Variants in CACNB2 observed in about 807,000 individuals in gnomAD.
CACNB2 encodes the protein voltage-dependent L-type calcium channel subunit beta-2.
A neutral mutation model predicts 73.3 loss-of-function variants in CACNB2; 42 were observed. The observed-to-expected ratio is 0.57, with a 90% confidence interval of 0.45 to 0.74. The LOEUF (loss-of-function observed/expected upper bound fraction) is 0.74. Among genes scored for constraint, CACNB2 ranks in the 30% least tolerant of loss-of-function variants. CACNB2 has a pLI of 0.00. For synonymous variants in CACNB2, 348 were observed against 310.3 expected (o/e 1.12, Z -1.28); for missense variants, 940 against 853.0 (o/e 1.10, Z -1.27).
At chr10:18,474,169 A>G (rs952594157) in intron 3 of CACNB2, among the ~76,000 whole-genome samples, 1 of 152,224 alleles carries the variant, frequency 6.6e-6, no homozygotes, top group East Asian at 1.9e-4. Context: ...GCGAAGGGGA[A>G]CATTGCAAAT....
chr10:18,260,945 C>T, intron 2 of CACNB2: 1 of 1,270,672 alleles, frequency 7.9e-7, no homozygotes, highest in Non-Finnish European at 1.0e-6. Flanking sequence ...CTGGACAGTC[C>T]TAACTCTGTG....
At chr10:18,528,102 C>T (rs2052656857) in intron 10 of CACNB2, among the ~76,000 whole-genome samples, 1 of 152,104 alleles carries the variant, frequency 6.6e-6, no homozygotes, top group South Asian at 2.1e-4. Flanking sequence ...ATGATATGTG[C>T]TCAATAAATG....
chr10:18,230,452 T>C (rs961943635), intron 2 of CACNB2, among the ~76,000 whole-genome samples: 1 of 152,170 alleles, frequency 6.6e-6, no homozygotes, highest in Admixed American at 6.5e-5. Flanking sequence ...CATGGTATGA[T>C]TGGAACTAGT....
chr10:18,191,904 G>A (rs1396179715), intron 2 of CACNB2, among the ~76,000 whole-genome samples: 1 of 152,138 alleles, frequency 6.6e-6, no homozygotes, highest in Non-Finnish European at 1.5e-5. Context: ...AAACATGCGT[G>A]TGCAAGTGTC....
intron 2 of CACNB2, chr10:18,261,109 G>A: frequency 4.7e-6 from 7 of 1,498,950 alleles, no homozygotes; most frequent in Non-Finnish European, 6.2e-6. Flanking sequence ...AGGAACGGTG[G>A]CTTTTTTAGA....
chr10:18,192,268 G>GTTCATTCATGCA (rs2034435099), intron 2 of CACNB2, among the ~76,000 whole-genome samples: 1 of 151,274 alleles, frequency 6.6e-6, no homozygotes, highest in South Asian at 2.1e-4. Context: ...TCAGACTTAC[G>GTTCATTCATGCA]TTCATTCATT....
intron 2 of CACNB2, chr10:18,261,875 A>G: frequency 2.0e-6 from 1 of 512,372 alleles, no homozygotes; most frequent in Non-Finnish European, 3.9e-6. Context: ...GTTTTGCAAA[A>G]TGGCTGTCTG....
At chr10:18,327,280 C>A (rs1054137960) in intron 2 of CACNB2, among the ~76,000 whole-genome samples, 3 of 152,018 alleles carry the variant, frequency 2.0e-5, no homozygotes, top group African/African-American at 4.8e-5. Flanking sequence ...TAAGTATATC[C>A]ATTATATTTT....
rs1436280481 is a variant in CACNB2 at position 18,356,938 on chromosome 10, A to ATGTCT, written c.214-44985_214-44984insGTCTT. Among the ~76,000 whole-genome samples the ATGTCT allele has an allele frequency of 1.7e-3, 161 of 94,472 alleles. 38 individuals are homozygous for ATGTCT. The highest frequency in any genetic ancestry group is 2.4e-3 in the African/African-American group (62 of 26,372). The allele number at this position is 94,472 out of a possible 152,430, so 62.0% of individuals were successfully genotyped here. ...AGCCACTGTGCCTGGCCCAGACTCAATTTCTTTTTTTTTTTTTTTTTTTTG... is the reference window on the plus strand; with the variant it reads ...AGCCACTGTGCCTGGCCCAGACTCAATGTCTTTTCTTTTTTTTTTTTTTTTTTTTG... On this transcript the variant is annotated intron_variant, in intron 2 of 13. Transcript: ENST00000324631.
intron 11 of CACNB2, among the ~76,000 whole-genome samples, chr10:18,534,786 G>A (rs2053402415): frequency 6.6e-6 from 1 of 152,206 alleles, no homozygotes; most frequent in African/African-American, 2.4e-5. Context: ...GTAAGGACAA[G>A]CACTGGTTTG....
At chr10:18,286,286 G>A (rs1016280608) in intron 2 of CACNB2, among the ~76,000 whole-genome samples, 2 of 152,170 alleles carry the variant, frequency 1.3e-5, no homozygotes, top group South Asian at 2.1e-4. Flanking sequence ...GGAGGCCAAG[G>A]CGGGCGGATC....
intron 3 of CACNB2, among the ~76,000 whole-genome samples, chr10:18,483,049 A>G (rs1166692227): frequency 6.6e-6 from 1 of 152,124 alleles, no homozygotes; most frequent in Admixed American, 6.6e-5. Context: ...GCTTTCCTTC[A>G]GAAAGTCTCT....
chr10:18,363,658 A>ACAATG (rs1236984390), intron 2 of CACNB2, among the ~76,000 whole-genome samples: 2 of 152,188 alleles, frequency 1.3e-5, no homozygotes, highest in Non-Finnish European at 2.9e-5. Context: ...ATATGACTAG[A>ACAATG]CAATGTGGCC....
intron 2 of CACNB2, among the ~76,000 whole-genome samples, chr10:18,268,461 G>A (rs1237442609): frequency 6.6e-6 from 1 of 152,202 alleles, no homozygotes; most frequent in Non-Finnish European, 1.5e-5. Flanking sequence ...GGCTAGATTT[G>A]TATAGACTTA....
chr10:18,233,817 G>A (rs1332677631), intron 2 of CACNB2, among the ~76,000 whole-genome samples: 4 of 152,150 alleles, frequency 2.6e-5, no homozygotes, highest in Non-Finnish European at 5.9e-5. Flanking sequence ...GCTCCCAAGA[G>A]CTTATTTATC....
chr10:18,468,020 G>T (rs774435919), intron 3 of CACNB2, among the ~76,000 whole-genome samples: 3 of 152,082 alleles, frequency 2.0e-5, no homozygotes, highest in Non-Finnish European at 4.4e-5. Context: ...TATGACTTGG[G>T]CCTTAAGGAA....
chr10:18,534,681 A>C (rs1397543565), intron 11 of CACNB2, among the ~76,000 whole-genome samples: 1 of 152,182 alleles, frequency 6.6e-6, no homozygotes, highest in Non-Finnish European at 1.5e-5. Context: ...TGTCCTTATA[A>C]AGTAGTAAAG....
intron 3 of CACNB2, among the ~76,000 whole-genome samples, chr10:18,429,197 G>A (rs2132806949): frequency 6.6e-6 from 1 of 152,220 alleles, no homozygotes; most frequent in African/African-American, 2.4e-5. Context: ...CTTTTTCCTG[G>A]AACTTGAAAG....
intron 2 of CACNB2, among the ~76,000 whole-genome samples, chr10:18,192,398 G>C (rs964824355): frequency 9.9e-5 from 15 of 151,528 alleles, no homozygotes; most frequent in Non-Finnish European, 1.8e-4. Flanking sequence ...CCCAGGCTGG[G>C]GTCCAGTGGT....
Sources: gnomAD v4.1 joint callset for allele counts (sites outside exome capture counted in the v4.1 genomes callset) on GRCh38, gnomAD v4.1.1 for gene constraint, MANE v1.5 for transcripts, NCBI Gene and HGNC (gene_info 2026-07-23, HGNC 2026-07-21) for gene names.